The following LTBP3 variants were observed in gnomAD, a reference collection of about 807,000 sequenced individuals.
The protein encoded by LTBP3 is latent transforming growth factor beta binding protein 3, also known as latent-transforming growth factor beta-binding protein 3.
Under a neutral mutation model 159.7 loss-of-function variants are expected in LTBP3, and 97 were observed. The observed-to-expected ratio is 0.61, with a 90% CI of 0.52 to 0.72. LTBP3 has a LOEUF of 0.72. LTBP3 is among the 30% of genes least tolerant of loss of function. LTBP3 has a pLI of 0.00. For synonymous variants in LTBP3, 824 were observed against 777.1 expected (o/e 1.06, Z -1.00); for missense variants, 1,584 against 1,864.3 (o/e 0.85, Z 2.77).
intron 23 of LTBP3, 43 bp from the exon 24 acceptor site, chr11:65,540,196 C>T: frequency 1.3e-6 from 2 of 1,542,964 alleles, no homozygotes; most frequent in South Asian, 1.2e-5. Flanking sequence ...CACAGCTCGG[C>T]CCGGGCCCCG....
Position 65,538,625 on chromosome 11 carries a change from A to G in LTBP3, c.*455T>C. 3.8e-6 allele frequency: 6 copies of G among 1,562,726 alleles called. No individual in the cohort carries two copies. Among genetic ancestry groups the G allele is most frequent in the Middle Eastern group, 1.7e-4 (1 of 5,882 alleles). ...CCCGCCCCACAGATGTATTTATTGT[A>G]CAAACCATGTGAGCCCGGCCGGCCC... On this transcript the variant is annotated 3_prime_UTR_variant, in exon 28 of 28. Coordinates refer to ENST00000301873, the MANE Select transcript of LTBP3 (RefSeq NM_001130144.3).
At position 65,554,012 on chromosome 11, in the gene LTBP3, C is replaced by T; in HGVS notation, c.661+39G>A. On this transcript the variant is annotated intron_variant, in intron 2 of 27. Transcript: ENST00000301873. The surrounding 1 kb of genome is among the most constrained non-coding windows in gnomAD (Gnocchi z 5.3). The stretch of plus-strand genomic sequence containing the variant: ...CTGCCCTGGCCACCCTAGTGCCCAC[C>T]CACTGGCGACCTTCCCGGGTTTGCC... 6.3e-7 allele frequency: 1 copy of T among 1,595,642 alleles called. No homozygotes were observed. The highest frequency in any genetic ancestry group is 8.5e-7 in the Non-Finnish European group (1 of 1,176,724).
Position 65,539,314 on chromosome 11 carries a change from G to A in LTBP3, c.3760+14C>T, listed in dbSNP as rs944861075. On this transcript the variant is annotated intron_variant, in intron 27 of 27. Transcript: ENST00000301873. ...CGGCCCCGCCCCTGCCCCCACCCCC[G>A]AAGCCCGGCTCACCCACGCAGCGGG... 6.4e-6 allele frequency: 4 copies of A among 629,144 alleles called. No homozygotes were observed. Among genetic ancestry groups the A allele is most frequent in the Admixed American group, 2.4e-5 (1 of 41,022 alleles). 39.0% of individuals were successfully genotyped at this position (629,144 alleles called of 1,614,324 possible). A position where few individuals can be genotyped will look rare whatever the true frequency, so the allele number is the denominator to read the frequency against.
intron 1 of LTBP3, among the ~76,000 whole-genome samples, chr11:65,555,804 C>T (rs1188417624): frequency 6.6e-6 from 1 of 152,134 alleles, no homozygotes; most frequent in East Asian, 1.9e-4. Flanking sequence ...CCCTCACTTC[C>T]CAGGGCAGGA....
rs1856383470 is a variant in LTBP3, at chr11:65,546,654, G to A, written c.2231-90C>T. 12 of 1,572,976 alleles carry A rather than the reference G, an allele frequency of 7.6e-6. No homozygotes were observed. Among genetic ancestry groups the A allele is most frequent in the East Asian group, 4.5e-5 (2 of 44,112 alleles). ...GGTGTGGGTCTCTTCCCTGGAACGCGGGGTTGAGAGGGCAGCCTCTACTCC... is the reference window on the plus strand; with the variant it reads ...GGTGTGGGTCTCTTCCCTGGAACGCAGGGTTGAGAGGGCAGCCTCTACTCC... On this transcript the variant is annotated intron_variant, in intron 15 of 27. Coordinates refer to ENST00000301873, the MANE Select transcript of LTBP3 (RefSeq NM_001130144.3). This position sits in a 1 kb window ranked among gnomAD's most constrained non-coding sequence, Gnocchi z 4.0.
chr11:65,539,501 G>A (rs776139780), intron 26 of LTBP3, 42 bp from the exon 27 acceptor site: 28 of 1,597,826 alleles, frequency 1.8e-5, no homozygotes, highest in South Asian at 3.4e-5. Flanking sequence ...ACTGAGCCCC[G>A]GCCAAAGGCT....
chr11:65,552,796 A>T lies in LTBP3; in HGVS notation c.1186+64T>A, dbSNP rs1856659317. The T allele has an allele frequency of 6.2e-7, 1 of 1,612,402 alleles. No individual in the cohort carries two copies. Among genetic ancestry groups the T allele is most frequent in the Non-Finnish European group, 8.5e-7 (1 of 1,178,898 alleles). On this transcript the variant is annotated intron_variant, in intron 6 of 27. Coordinates refer to ENST00000301873, the MANE Select transcript of LTBP3 (RefSeq NM_001130144.3). The surrounding 1 kb of genome is among the most constrained non-coding windows in gnomAD (Gnocchi z 6.0). ...CTTAACCCCACTCTGATCTCTTGCG[A>T]TCTCTGATCCTTGCTCCCACCCATG...
rs1235810345 is a variant in LTBP3 at position 65,557,404 on chromosome 11, A to C, written c.331+225T>G. On this transcript the variant is annotated intron_variant, in intron 1 of 27. Coordinates refer to ENST00000301873, the MANE Select transcript of LTBP3 (RefSeq NM_001130144.3). The stretch of plus-strand genomic sequence containing the variant: ...GCATTTCCCCACCCCTTAGGCCCCA[A>C]CCCTAACGCAAAGCTTCAAAGTCCA... 1.3e-5 allele frequency among the ~76,000 whole-genome samples: 2 copies of C among 151,630 alleles called. 1 individual carries two copies. The highest frequency in any genetic ancestry group is 4.8e-5 in the African/African-American group (2 of 41,306).
intron 8 of LTBP3, 197 bp from the exon 9 acceptor site, chr11:65,551,761 GT>G: frequency 2.2e-6 from 2 of 894,940 alleles, no homozygotes; most frequent in Non-Finnish European, 3.6e-6. Flanking sequence ...ATGGCCTTGG[GT>G]TACAGGTCAG....
Position 65,546,396 on chromosome 11 carries a change from C to T in LTBP3, c.2353+46G>A, listed in dbSNP as rs749358326. On this transcript the variant is annotated intron_variant, in intron 16 of 27. Coordinates refer to ENST00000301873, the MANE Select transcript of LTBP3 (RefSeq NM_001130144.3). This position sits in a 1 kb window ranked among gnomAD's most constrained non-coding sequence, Gnocchi z 4.0. ...AGCGTGACCCGCTCCCCGGCTTCAG[C>T]GCGTAGGGGGCGGCGGAGGCCCGGG... 4.2e-5 allele frequency: 63 copies of T among 1,498,100 alleles called. No homozygotes were observed. The highest frequency in any genetic ancestry group is 4.2e-5 in the Non-Finnish European group (48 of 1,129,746). 92.8% of individuals were successfully genotyped at this position (1,498,100 alleles called of 1,614,324 possible). A position where few individuals can be genotyped will look rare whatever the true frequency, so the allele number is the denominator to read the frequency against.
Position 65,546,493 on chromosome 11 carries a change from A to T in LTBP3, c.2302T>A (p.Cys768Ser). Reference sequence around the variant, plus strand: ...GGCGCGTAGCCCTGGGCACAGGTGCAGCGGAAGGAGCCCGGGAGGTTCTCG... The same window carrying T: ...GGCGCGTAGCCCTGGGCACAGGTGCTGCGGAAGGAGCCCGGGAGGTTCTCG... Reference protein sequence around the residue: ...WCENLPGSFRCTCAQGYAPAP... With the variant: ...WCENLPGSFRSTCAQGYAPAP... The change falls in exon 16 of 28, where the codon TGC becomes AGC. Residue 768 changes from cysteine to serine, a missense_variant. Around this residue, in one of 6 missense-constraint regions of LTBP3, gnomAD observed 565 missense variants for 677.7 expected, o/e 0.83. Transcript: ENST00000301873. This position sits in a 1 kb window ranked among gnomAD's most constrained non-coding sequence, Gnocchi z 4.0. 6.3e-7 allele frequency: 1 copy of T among 1,597,060 alleles called. No individual in the cohort carries two copies. Among genetic ancestry groups the T allele is most frequent in the Non-Finnish European group, 8.5e-7 (1 of 1,178,352 alleles).
chr11:65,551,520 C>A (rs756966964), intron 9 of LTBP3, 28 bp downstream of exon 9: 30 of 1,613,930 alleles, frequency 1.9e-5, no homozygotes, highest in African/African-American at 2.7e-5. Context: ...CGCCTGCCCA[C>A]CCCTCCCATC....
At chr11:65,542,970 ATGG>A in intron 18 of LTBP3, 132 bp downstream of exon 18, 1 of 1,116,196 alleles carries the variant, frequency 9.0e-7, no homozygotes, top group East Asian at 2.5e-5. Flanking sequence ...GGATGGATGG[ATGG>A]ATAGATGGAT....
At position 65,539,091 on chromosome 11, in the gene LTBP3, G is replaced by T; in HGVS notation, c.3901C>A (p.Arg1301Ser). 1 of 1,426,364 alleles carries T rather than the reference G, an allele frequency of 7.0e-7. No homozygotes were observed. The allele number at this position is 1,426,364 out of a possible 1,614,324, so 88.4% of individuals were successfully genotyped here. A position where few individuals can be genotyped will look rare whatever the true frequency, so the allele number is the denominator to read the frequency against. Reference sequence around the variant, plus strand: ...CGGCGTCGGCGGCGTCAGCGGCGGCGCTGGGGAACGCAGGCCCCGTGCGGG... The same window carrying T: ...CGGCGTCGGCGGCGTCAGCGGCGGCTCTGGGGAACGCAGGCCCCGTGCGGG... ...SRPHGACVPQ[R>S]RR The change falls in exon 28 of 28, where the codon CGC (arginine) becomes AGC (serine). Residue 1301 changes from arginine to serine, a missense_variant. Physicochemically the swap from Arg to Ser is moderately radical, Grantham distance 110. Around this residue, in one of 6 missense-constraint regions of LTBP3, gnomAD observed 514 missense variants for 530.3 expected, o/e 0.97. Transcript: ENST00000301873.
chr11:65,547,981 A>C lies in LTBP3; in HGVS notation c.1785T>G (p.Pro595=). 1 of 1,613,728 alleles carries C rather than the reference A, an allele frequency of 6.2e-7. No individual in the cohort carries two copies. The highest frequency in any genetic ancestry group is 1.1e-5 in the South Asian group (1 of 91,074). ...CGHGECVPGP[P]DYSCHCNPGY... Reference sequence around the variant, plus strand: ...CGGGGTTGCAGTGGCAGGAGTAGTCAGGGGGGCCCGGCACGCACTCTCCGT... The same window carrying C: ...CGGGGTTGCAGTGGCAGGAGTAGTCCGGGGGGCCCGGCACGCACTCTCCGT... The change falls in exon 12 of 28, where the codon CCT becomes CCG. Residue 595 remains proline, a synonymous_variant. Transcript: ENST00000301873. This position sits in a 1 kb window ranked among gnomAD's most constrained non-coding sequence, Gnocchi z 4.6.
chr11:65,553,285 AG>A lies in LTBP3; in HGVS notation c.971-30del, dbSNP rs1381491883. The A allele has an allele frequency of 6.7e-7, 1 of 1,495,434 alleles. No homozygotes were observed. The highest frequency in any genetic ancestry group is 2.7e-5 in the East Asian group (1 of 37,438). 92.6% of individuals were successfully genotyped at this position (1,495,434 alleles called of 1,614,324 possible). ...CAGAGAGAGGATAGCTTGGCAGGGG[AG>A]GGTGAGGAGGGAACTGGGGAGGGGC... On this transcript the variant is annotated intron_variant, in intron 4 of 27. Transcript: ENST00000301873. This position sits in a 1 kb window ranked among gnomAD's most constrained non-coding sequence, Gnocchi z 6.5.
Position 65,547,215 on chromosome 11 carries a change from G to C in LTBP3, c.2107+224C>G, listed in dbSNP as rs1057235944. 5.3e-5 allele frequency among the ~76,000 whole-genome samples: 8 copies of C among 152,150 alleles called. No individual in the cohort carries two copies. The highest frequency in any genetic ancestry group is 1.4e-4 in the African/African-American group (6 of 41,424). Reference sequence around the variant, plus strand: ...ATACAAAAATTAGGCGTGGTGGCAGGCGCCCGTAATCCCAGCTACTCGGGA... The same window carrying C: ...ATACAAAAATTAGGCGTGGTGGCAGCCGCCCGTAATCCCAGCTACTCGGGA... On this transcript the variant is annotated intron_variant, in intron 14 of 27. Transcript: ENST00000301873. The surrounding 1 kb of genome is among the most constrained non-coding windows in gnomAD (Gnocchi z 4.6).
intron 22 of LTBP3, 39 bp from the exon 23 acceptor site, chr11:65,540,421 G>C (rs759149956): frequency 7.5e-6 from 12 of 1,608,270 alleles, no homozygotes; most frequent in Non-Finnish European, 1.0e-5. Context: ...GGGCAGGCCC[G>C]GGATGGGCGC....
In LTBP3 at chr11:65,552,715, A is replaced by C. The variant is rs2135155160; in HGVS notation, c.1186+145T>G. 1 of 1,207,174 alleles carries C rather than the reference A, an allele frequency of 8.3e-7. No individual in the cohort carries two copies. The highest frequency in any genetic ancestry group is 1.3e-5 in the South Asian group (1 of 78,912). The allele number at this position is 1,207,174 out of a possible 1,614,324, so 74.8% of individuals were successfully genotyped here. On this transcript the variant is annotated intron_variant, in intron 6 of 27. Transcript: ENST00000301873. This position sits in a 1 kb window ranked among gnomAD's most constrained non-coding sequence, Gnocchi z 6.0. ...AATGGCAGATCTCATGTGACCCCGG[A>C]CCCTGCTGATCCCTGATCCTATTGG...
Sources: gnomAD v4.1 joint callset for allele counts (sites outside exome capture counted in the v4.1 genomes callset) on GRCh38, gnomAD v4.1.1 for gene constraint, gnomAD v4.1.1 regional missense constraint, Gnocchi (gnomAD v3.1) non-coding constraint, MANE v1.5 for transcripts, NCBI Gene and HGNC (gene_info 2026-07-23, HGNC 2026-07-21) for gene names.